Variants in MYO7B observed in about 807,000 individuals in gnomAD.
MYO7B encodes the protein myosin VIIB, also known as unconventional myosin-VIIb.
MYO7B carries 212 observed loss-of-function variants against 259.7 expected under a neutral mutation model. That is an observed-to-expected ratio of 0.82 (90% CI 0.73 to 0.91). The LOEUF is 0.91. MYO7B is among the 40% of genes least tolerant of loss of function. The probability of loss-of-function intolerance (pLI) is 0.00; values close to 1 mark genes in which losing one functional copy is unlikely to be tolerated. For missense variants in MYO7B, 2,732 were observed against 2,813.5 expected, an observed-to-expected ratio of 0.97 and a Z score of 0.66; for synonymous variants, 1,197 against 1,166.4, an observed-to-expected ratio of 1.03 and a Z score of -0.54.
Position 127,627,031 on chromosome 2 carries a change from C to T in MYO7B, c.4272C>T (p.Asp1424=), listed in dbSNP as rs368713411. 64 of 1,610,174 alleles carry T rather than the reference C, an allele frequency of 4.0e-5. No homozygotes were observed. The highest frequency in any genetic ancestry group is 2.5e-4 in the African/African-American group (19 of 74,902). Residue 1424 remains aspartate, a synonymous_variant, in exon 32 of 48, where the codon GAC becomes GAT. Coordinates refer to ENST00000409816, the MANE Select transcript of MYO7B (RefSeq NM_001393586.1). This position sits in a 1 kb window ranked among gnomAD's most constrained non-coding sequence, Gnocchi z 5.6. ...TPLAVREQVV[D]AARLQWPLLF... is the part of the protein sequence containing the mutation. ...TGGCCGTGCGAGAGCAGGTGGTGGA[C>T]GCCGCCCGCCTGCAGTGGCCGCTGC...
At position 127,613,542 on chromosome 2, in the gene MYO7B, G is replaced by T. The variant is rs1388716248; in HGVS notation, c.3398+939G>T. ...ATCTTTTCTGCAAATCCAATACCTG[G>T]GTCATCTCACGGTCAGTCTCTATTA... On this transcript the variant is annotated intron_variant, in intron 26 of 47. Transcript: ENST00000409816. This position sits in a 1 kb window ranked among gnomAD's most constrained non-coding sequence, Gnocchi z 4.3. Among the ~76,000 whole-genome samples, 2 of 152,110 alleles carry T rather than the reference G, an allele frequency of 1.3e-5. No individual in the cohort carries two copies. Among genetic ancestry groups the T allele is most frequent in the Non-Finnish European group, 2.9e-5 (2 of 68,032 alleles).
intron 14 of MYO7B, among the ~76,000 whole-genome samples, 170 bp from the exon 15 acceptor site, chr2:127,588,222 A>G (rs1679377479): frequency 6.6e-6 from 1 of 151,834 alleles, no homozygotes; most frequent in Admixed American, 6.6e-5. Context: ...TGCTGGGTAG[A>G]TGGTGGGGGC....
intron 2 of MYO7B, among the ~76,000 whole-genome samples, chr2:127,562,491 T>G (rs1452204835): frequency 5.0e-5 from 7 of 139,790 alleles, no homozygotes; most frequent in African/African-American, 7.9e-5. Context: ...TGTTTTTTTT[T>G]TTTTTTTTTT....
chr2:127,571,503 G>A (rs1338321295), intron 6 of MYO7B, among the ~76,000 whole-genome samples: 7 of 68,726 alleles, frequency 1.0e-4, no homozygotes, highest in Admixed American at 1.7e-4. Context: ...TTTTTGAGAC[G>A]GAGTTTCGCT....
rs1036669393 is a variant in MYO7B, at chr2:127,621,655, G to A, written c.3526-327G>A. 2.0e-5 allele frequency among the ~76,000 whole-genome samples: 3 copies of A among 152,310 alleles called. No individual in the cohort carries two copies. The East Asian group carries it at 5.8e-4, about 29-fold the overall frequency. ...CCTCGCTGTTCCAGAAGGCACTGGG[G>A]TTGGGGGTGGGCATTTAGAGTCCAT... On this transcript the variant is annotated intron_variant, in intron 27 of 47. Transcript: ENST00000409816.
At chr2:127,604,260 T>C (rs1049048068) in intron 19 of MYO7B, among the ~76,000 whole-genome samples, 2 of 152,270 alleles carry the variant, frequency 1.3e-5, no homozygotes. Flanking sequence ...TTTTATGTTA[T>C]AGAAGTGGCT....
intron 9 of MYO7B, among the ~76,000 whole-genome samples, chr2:127,580,254 G>A (rs921126831): frequency 1.3e-5 from 2 of 152,198 alleles, no homozygotes; most frequent in Non-Finnish European, 2.9e-5. Flanking sequence ...TGAAGAGGAG[G>A]AACTGGAAGC....
chr2:127,616,590 T>G (rs949634831), intron 26 of MYO7B, among the ~76,000 whole-genome samples: 1 of 152,240 alleles, frequency 6.6e-6, no homozygotes, highest in African/African-American at 2.4e-5. Flanking sequence ...ATCCCACATA[T>G]CCTGTTGGCA....
intron 14 of MYO7B, among the ~76,000 whole-genome samples, chr2:127,587,783 G>T (rs1040397890): frequency 6.6e-6 from 1 of 151,910 alleles, no homozygotes; most frequent in African/African-American, 2.4e-5. Context: ...TGGTCAGGCT[G>T]GTCTCGAACT....
In MYO7B at chr2:127,574,050, G is replaced by C. The variant is rs1025194272; in HGVS notation, c.723G>C (p.Arg241=). Residue 241 remains arginine, a synonymous_variant, in exon 7 of 48, where the codon CGG becomes CGC. Coordinates refer to ENST00000409816, the MANE Select transcript of MYO7B (RefSeq NM_001393586.1). ...RIEQFLLEKS[R]VCRQAPEERN... ...AGCAATTTCTCCTGGAGAAGTCCCG[G>C]GTCTGCCGGCAGGTGAGGCCTCCCC... The C allele has an allele frequency of 2.5e-6, 4 of 1,613,946 alleles. No homozygotes were observed. The highest frequency in any genetic ancestry group is 3.4e-6 in the Non-Finnish European group (4 of 1,179,872).
chr2:127,544,884 C>G (rs1693160058), intron 1 of MYO7B, among the ~76,000 whole-genome samples: 1 of 151,164 alleles, frequency 6.6e-6, no homozygotes, highest in African/African-American at 2.5e-5. Flanking sequence ...CCGGCCACGT[C>G]TGGCTAATTT....
rs534746334 is a variant in MYO7B, at chr2:127,567,919, G to A, written c.470+1092G>A. Among the ~76,000 whole-genome samples, 238 of 152,262 alleles carry A rather than the reference G, an allele frequency of 1.6e-3. 1 individual carries two copies. The highest frequency in any genetic ancestry group is 4.8e-3 in the South Asian group (23 of 4,818). ...GATGTCGGCCTCTTCATTAGATAGGGGGCAGGCCAGGCACGGCCTCTCTGA... is the reference window on the plus strand; with the variant it reads ...GATGTCGGCCTCTTCATTAGATAGGAGGCAGGCCAGGCACGGCCTCTCTGA... On this transcript the variant is annotated intron_variant, in intron 5 of 47. Transcript: ENST00000409816.
chr2:127,549,147 TCTTC>T lies in MYO7B; in HGVS notation c.-23-10537_-23-10534del, dbSNP rs199598753. On this transcript the variant is annotated intron_variant, in intron 1 of 47. Transcript: ENST00000409816. Reference sequence around the variant, plus strand: ...CTTCTTTCTCTCTTTCTTTCTTCTTTCTTCCTTCCTTCCTTCCTTTCTTTCTTTC... The same window carrying T: ...CTTCTTTCTCTCTTTCTTTCTTCTTTCTTCCTTCCTTCCTTTCTTTCTTTC... 4.4e-3 allele frequency among the ~76,000 whole-genome samples: 631 copies of T among 142,988 alleles called. 2 individuals carry two copies. The highest frequency in any genetic ancestry group is 0.024 in the South Asian group (102 of 4,240). The allele number at this position is 142,988 out of a possible 152,430, so 93.8% of individuals were successfully genotyped here.
At position 127,569,924 on chromosome 2, in the gene MYO7B, TG is replaced by T. The variant is rs756581997; in HGVS notation, c.592+17del. 6.2e-7 allele frequency: 1 copy of T among 1,605,720 alleles called. No individual in the cohort carries two copies. Among genetic ancestry groups the T allele is most frequent in the South Asian group, 1.1e-5 (1 of 89,922 alleles). ...CCATCCTGGAGGGTAAGCATCACTC[TG>T]GGACCCGCCCTTCTCCCCCAGCCCC... On this transcript the variant is annotated intron_variant, in intron 6 of 47. Coordinates refer to ENST00000409816, the MANE Select transcript of MYO7B (RefSeq NM_001393586.1).
intron 1 of MYO7B, among the ~76,000 whole-genome samples, chr2:127,556,687 G>A (rs932875288): frequency 3.3e-4 from 51 of 152,294 alleles, no homozygotes; most frequent in African/African-American, 1.0e-3. Flanking sequence ...GCTGATAATT[G>A]TTTTGTTTAA....
At chr2:127,593,424 G>A (rs926542888) in intron 17 of MYO7B, 122 bp from the exon 18 acceptor site, 2 of 930,846 alleles carry the variant, frequency 2.1e-6, no homozygotes, top group Non-Finnish European at 3.3e-6. Context: ...GTGCCTGGGC[G>A]GGGGTGGGCG....
In MYO7B at chr2:127,636,713, T is replaced by C. The variant is rs1573734692; in HGVS notation, c.6208-81T>C. ...GGGCTGCAGTCATCTCTGCGGTGTG[T>C]CCTGCCTCTCTCCTGTCCCCTAACA... On this transcript the variant is annotated intron_variant, in intron 46 of 47. Coordinates refer to ENST00000409816, the MANE Select transcript of MYO7B (RefSeq NM_001393586.1). The surrounding 1 kb of genome is among the most constrained non-coding windows in gnomAD (Gnocchi z 4.5). 6.2e-7 allele frequency: 1 copy of C among 1,610,182 alleles called. No individual in the cohort carries two copies. Among genetic ancestry groups the C allele is most frequent in the Non-Finnish European group, 8.5e-7 (1 of 1,178,016 alleles).
In MYO7B at chr2:127,609,266, G is replaced by C. The variant is rs1279616096; in HGVS notation, c.2815-240G>C. Among the ~76,000 whole-genome samples the C allele has an allele frequency of 2.0e-5, 3 of 152,126 alleles. No individual in the cohort carries two copies. Among genetic ancestry groups the C allele is most frequent in the Non-Finnish European group, 4.4e-5 (3 of 67,994 alleles). ...GCAGAGGACACAGTGTCTGAGCGTGGGGCCAGGAGGGGAGAGGGCAGGAGC... is the reference window on the plus strand; with the variant it reads ...GCAGAGGACACAGTGTCTGAGCGTGCGGCCAGGAGGGGAGAGGGCAGGAGC... On this transcript the variant is annotated intron_variant, in intron 22 of 47. Coordinates refer to ENST00000409816, the MANE Select transcript of MYO7B (RefSeq NM_001393586.1). The surrounding 1 kb of genome is among the most constrained non-coding windows in gnomAD (Gnocchi z 6.9).
chr2:127,570,542 C>T (rs1573635268), intron 6 of MYO7B, among the ~76,000 whole-genome samples: 2 of 152,252 alleles, frequency 1.3e-5, no homozygotes, highest in Non-Finnish European at 2.9e-5. Context: ...CCCGTGGCCT[C>T]GGCCCCAAGG....
Sources: allele counts gnomAD v4.1 joint callset (sites outside exome capture counted in the v4.1 genomes callset), GRCh38; gene constraint gnomAD v4.1.1; non-coding constraint Gnocchi (gnomAD v3.1); transcripts MANE v1.5; gene names NCBI Gene and HGNC (gene_info 2026-07-23, HGNC 2026-07-21).